FAM3D: variants seen among roughly 807,000 people sequenced by gnomAD.
The protein encoded by FAM3D is protein FAM3D.
In FAM3D, 26 loss-of-function variants were observed where a neutral mutation model predicts 29.8. That is an observed-to-expected ratio of 0.87 (90% CI 0.64 to 1.21). FAM3D has a LOEUF of 1.21. Ranked by LOEUF, FAM3D falls within the 50% of genes most tolerant of loss-of-function variation. The pLI is 0.00. For missense variants in FAM3D, 253 were observed against 290.9 expected (o/e 0.87, Z 0.95); for synonymous variants, 115 against 102.3 (o/e 1.12, Z -0.75).
chr3:58,655,207 G>A, intron 2 of FAM3D, among the ~76,000 whole-genome samples: 1 of 152,170 alleles, frequency 6.6e-6, no homozygotes, highest in Middle Eastern at 3.2e-3. Flanking sequence ...GTGTGGACTA[G>A]AAGGCCTTTG....
chr3:58,665,971 G>T (rs1035328469), intron 1 of FAM3D, among the ~76,000 whole-genome samples: 73 of 152,260 alleles, frequency 4.8e-4, no homozygotes, highest in African/African-American at 1.7e-3. Context: ...TAGTGAAAGG[G>T]ACTAGCTCAA....
intron 6 of FAM3D, among the ~76,000 whole-genome samples, chr3:58,640,398 C>T (rs2066294110): frequency 6.6e-6 from 1 of 152,168 alleles, no homozygotes; most frequent in Non-Finnish European, 1.5e-5. Context: ...TCTCTGGAAT[C>T]GAACTGAGTC....
chr3:58,653,748 A>G lies in FAM3D; in HGVS notation c.47T>C (p.Ile16Thr), dbSNP rs567619603. ...TCGAATAAACATCCATGTCGTGACT[A>G]TGGCAAAGATGAGGGCCAGGAGGCG... is the stretch of plus-strand genomic sequence containing the variant. ...VLRLLALIFA[I>T]VTTWMFIRSY... The change falls in exon 3 of 10, where the codon ATA becomes ACA. Residue 16 changes from isoleucine (I) to threonine (T), a missense_variant. Transcript: ENST00000358781. 59 of 1,614,042 alleles carry G rather than the reference A, an allele frequency of 3.7e-5. No individual in the cohort carries two copies. The South Asian group carries it at 4.7e-4, about 13-fold the overall frequency.
intron 3 of FAM3D, among the ~76,000 whole-genome samples, chr3:58,649,773 A>AC (rs5849266): frequency 0.58 from 88,284 of 152,048 alleles, 27,458 homozygotes; most frequent in Admixed American, 0.68. Context: ...GCTGTTTGAG[A>AC]CCATTAGAGT....
At chr3:58,653,807 G>A (rs2066715562) in intron 2 of FAM3D, 26 bp from the exon 3 acceptor site, 1 of 1,583,768 alleles carries the variant, frequency 6.3e-7, no homozygotes, top group African/African-American at 1.3e-5. Context: ...ATGCTGCCAG[G>A]AGACCACAGA....
intron 6 of FAM3D, 91 bp downstream of exon 6, chr3:58,643,571 C>T: frequency 7.4e-7 from 1 of 1,353,490 alleles, no homozygotes; most frequent in Non-Finnish European, 1.1e-6. Context: ...GAGGTAGGAG[C>T]TGAGCCAATG....
Position 58,645,553 on chromosome 3 carries a change from C to G in FAM3D, c.219G>C (p.Gly73=). The change falls in exon 5 of 10, where the codon GGG becomes GGC. Residue 73 remains glycine, a synonymous_variant. Transcript: ENST00000358781. ...TAGTAGGGCCCACGACGTTGGCGGC[C>G]CCACTGCAGATTTTAAACGCAAAGT... ...ANYFAFKICS[G]AANVVGPTMC... is the part of the protein sequence containing the mutation. 6.2e-7 allele frequency: 1 copy of G among 1,614,164 alleles called. No homozygotes were observed. Among genetic ancestry groups the G allele is most frequent in the East Asian group, 2.2e-5 (1 of 44,884 alleles).
intron 6 of FAM3D, among the ~76,000 whole-genome samples, chr3:58,643,188 C>G (rs140117839): frequency 3.9e-5 from 6 of 152,344 alleles, no homozygotes; most frequent in African/African-American, 1.4e-4. Flanking sequence ...CTCACGGATA[C>G]CTACGGAGGC....
At chr3:58,655,150 T>C (rs1490284173) in intron 2 of FAM3D, among the ~76,000 whole-genome samples, 1 of 152,206 alleles carries the variant, frequency 6.6e-6, no homozygotes, top group Non-Finnish European at 1.5e-5. Context: ...ATTTCGTGTC[T>C]GCTGCCTCAG....
chr3:58,650,452 G>T (rs74650842), intron 3 of FAM3D, among the ~76,000 whole-genome samples: 3,093 of 152,202 alleles, frequency 0.02, 97 homozygotes, highest in East Asian at 0.11. Context: ...TTCAGCCAAG[G>T]GAGAAGATAA....
Sources: gnomAD v4.1 joint callset for allele counts (sites outside exome capture counted in the v4.1 genomes callset) on GRCh38, gnomAD v4.1.1 for gene constraint, MANE v1.5 for transcripts, NCBI Gene and HGNC (gene_info 2026-07-23, HGNC 2026-07-21) for gene names.